HAUS2: variants seen among roughly 807,000 people sequenced by gnomAD.
HAUS2 encodes HAUS augmin like complex subunit 2.
In HAUS2, 20 loss-of-function variants were observed where a neutral mutation model predicts 21.6. The ratio of observed to expected loss-of-function variants is 0.93; its 90% CI spans 0.65 to 1.35. The LOEUF (loss-of-function observed/expected upper bound fraction) is 1.35. Among genes scored for constraint, HAUS2 ranks in the 40% most tolerant of loss-of-function variants. The probability of loss-of-function intolerance (pLI) is 0.00; values close to 1 mark genes in which losing one functional copy is unlikely to be tolerated. For synonymous variants in HAUS2, 113 were observed against 95.6 expected (o/e 1.18, Z -1.06); for missense variants, 297 against 280.7 (o/e 1.06, Z -0.42).
chr15:42,562,623 G>A (rs1031224593), intron 4 of HAUS2, among the ~76,000 whole-genome samples: 2 of 152,042 alleles, frequency 1.3e-5, no homozygotes, highest in African/African-American at 4.8e-5. Context: ...CCTTTCTTGT[G>A]GCTATATTCA....
At chr15:42,565,110 T>C (rs2057893196) in intron 5 of HAUS2, among the ~76,000 whole-genome samples, 1 of 152,214 alleles carries the variant, frequency 6.6e-6, no homozygotes, top group African/African-American at 2.4e-5. Context: ...GTGTTGGGAT[T>C]AAAGGCCTGA....
intron 1 of HAUS2, among the ~76,000 whole-genome samples, chr15:42,557,519 A>ATATTATATG (rs2057800414): frequency 8.1e-6 from 1 of 122,988 alleles, no homozygotes; most frequent in Non-Finnish European, 1.9e-5. Flanking sequence ...TATATTATAT[A>ATATTATATG]TATATGAAGT....
chr15:42,554,589 C>T (rs1041629660), intron 1 of HAUS2, among the ~76,000 whole-genome samples: 1 of 151,184 alleles, frequency 6.6e-6, no homozygotes, highest in African/African-American at 2.4e-5. Context: ...CTCCTGGGCT[C>T]AAGTGATTCT....
intron 2 of HAUS2, among the ~76,000 whole-genome samples, chr15:42,558,708 C>T (rs950006793): frequency 1.3e-5 from 2 of 151,916 alleles, no homozygotes; most frequent in African/African-American, 4.8e-5. Flanking sequence ...CTATAATCCT[C>T]GCACTTTGGG....
intron 2 of HAUS2, among the ~76,000 whole-genome samples, chr15:42,558,916 C>G (rs1383363489): frequency 6.6e-6 from 1 of 151,948 alleles, no homozygotes; most frequent in Non-Finnish European, 1.5e-5. Flanking sequence ...CATGTTTGGG[C>G]CATTGCACTC....
In HAUS2 at chr15:42,561,569, T is replaced by A. The variant is rs2057854223; in HGVS notation, c.389+167T>A. ...AAGAAAATCTTTGCTTTTAAACCAT[T>A]ATACCTATGGCAAAAAGGAAGAACT... On this transcript the variant is annotated intron_variant, in intron 4 of 5. Coordinates refer to ENST00000260372, the MANE Select transcript of HAUS2 (RefSeq NM_018097.3). 8 of 524,606 alleles carry A rather than the reference T, an allele frequency of 1.5e-5. No individual in the cohort carries two copies. The South Asian group carries it at 2.4e-4, about 16-fold the overall frequency. 32.5% of individuals were successfully genotyped at this position (524,606 alleles called of 1,614,324 possible).
chr15:42,552,490 C>T (rs2057735880), intron 1 of HAUS2, among the ~76,000 whole-genome samples: 1 of 151,994 alleles, frequency 6.6e-6, no homozygotes, highest in Non-Finnish European at 1.5e-5. Flanking sequence ...TGAGTGATTC[C>T]TAAAATTGTG....
At position 42,559,343 on chromosome 15, in the gene HAUS2, A is replaced by T. The variant is rs1249338844; in HGVS notation, c.191A>T (p.Asn64Ile). ...TNIQAEIYQK[N>I]LEIELLKLEK... ...TTACTTTTGTTCCTCATGTAGAAAA[A>T]CCTGGAAATTGAACTCCTGAAACTA... Residue 64 changes from asparagine to isoleucine, a missense_variant, in exon 3 of 6, where the codon AAC (asparagine) becomes ATC (isoleucine). Transcript: ENST00000260372. 2 of 1,588,324 alleles carry T rather than the reference A, an allele frequency of 1.3e-6. No homozygotes were observed. The highest frequency in any genetic ancestry group is 4.5e-5 in the East Asian group (2 of 44,758).
At chr15:42,557,706 C>T (rs1210162514) in intron 1 of HAUS2, among the ~76,000 whole-genome samples, 1 of 151,608 alleles carries the variant, frequency 6.6e-6, no homozygotes, top group Admixed American at 6.6e-5. Flanking sequence ...TACAAATAAT[C>T]CTTTAACTAA....
In HAUS2 at chr15:42,561,308, T is replaced by A. The variant is rs751888264; in HGVS notation, c.295T>A (p.Leu99Met). 38 of 1,568,988 alleles carry A rather than the reference T, an allele frequency of 2.4e-5. No homozygotes were observed. Among genetic ancestry groups the A allele is most frequent in the Non-Finnish European group, 3.3e-5 (38 of 1,139,028 alleles). The change falls in exon 4 of 6, where the codon TTG (leucine) becomes ATG (methionine). Residue 99 changes from leucine to methionine, a missense_variant. By Grantham distance (15) the Leu-to-Met change is conservative. Transcript: ENST00000260372. The part of the protein sequence containing the change: ...CHTLQSMNNH[L>M]EAVLKEKRSL... The stretch of plus-strand genomic sequence containing the variant: ...TACTCTGCAAAGCATGAATAATCAT[T>A]TGGAAGCAGTGCTGAAAGAGAAGAG...
At chr15:42,549,002 C>T in intron 1 of HAUS2, 37 bp downstream of exon 1, 2 of 1,312,188 alleles carry the variant, frequency 1.5e-6, no homozygotes, top group Non-Finnish European at 2.2e-6. Context: ...CAAGGGGGTG[C>T]CCAAGGTGGC....
At chr15:42,550,997 CT>C (rs56371573) in intron 1 of HAUS2, among the ~76,000 whole-genome samples, 23 of 132,802 alleles carry the variant, frequency 1.7e-4, no homozygotes, top group African/African-American at 2.8e-4. Flanking sequence ...CTTTTCTTTT[CT>C]TTTTTTTTTT....
chr15:42,559,281 G>C (rs761753224), intron 2 of HAUS2, 58 bp from the exon 3 acceptor site: 5 of 986,222 alleles, frequency 5.1e-6, no homozygotes, highest in Non-Finnish European at 8.2e-6. Context: ...GTGAGCCACC[G>C]CACCTGGCCA....
rs746835779 is a variant in HAUS2 at position 42,558,284 on chromosome 15, C to G, written c.180C>G (p.Ile60Met). The change falls in exon 2 of 6, where the codon ATC (isoleucine) becomes ATG (methionine). Residue 60 changes from isoleucine (I) to methionine (M), a missense_variant. Coordinates refer to ENST00000260372, the MANE Select transcript of HAUS2 (RefSeq NM_018097.3). ...AGATCACAAATATTCAAGCTGAAATCTACCAGGTAAATCATTTTGTTTTCA... is the reference window on the plus strand; with the variant it reads ...AGATCACAAATATTCAAGCTGAAATGTACCAGGTAAATCATTTTGTTTTCA... ...LQQITNIQAEIYQKNLEIELL... is the reference protein window; with the variant it reads ...LQQITNIQAEMYQKNLEIELL... 9.9e-7 allele frequency: 1 copy of G among 1,010,438 alleles called. No homozygotes were observed. Among genetic ancestry groups the G allele is most frequent in the Non-Finnish European group, 1.5e-6 (1 of 657,686 alleles). The allele number at this position is 1,010,438 out of a possible 1,614,324, so 62.6% of individuals were successfully genotyped here. A position where few individuals can be genotyped will look rare whatever the true frequency, so the allele number is the denominator to read the frequency against.
chr15:42,556,891 TC>T (rs2057783303), intron 1 of HAUS2, among the ~76,000 whole-genome samples: 1 of 148,610 alleles, frequency 6.7e-6, no homozygotes, highest in African/African-American at 2.5e-5. Flanking sequence ...GTGGCAGTAA[TC>T]CCAAAAACTC....
chr15:42,560,116 C>G (rs184595061), intron 3 of HAUS2, among the ~76,000 whole-genome samples: 1 of 152,302 alleles, frequency 6.6e-6, no homozygotes, highest in Admixed American at 6.5e-5. Flanking sequence ...GATCGTAGCA[C>G]TCCACTCCAG....
Position 42,560,915 on chromosome 15 carries a change from T to G in HAUS2, c.257-355T>G, listed in dbSNP as rs1437882361. On this transcript the variant is annotated intron_variant, in intron 3 of 5. Transcript: ENST00000260372. ...CTAAGGTGACTCTTTTTCGATGGTC[T>G]TTTATAGACTATTAGAGTCAGGGAT... 4 of 692,902 alleles carry G rather than the reference T, an allele frequency of 5.8e-6. No homozygotes were observed. In the East Asian group the frequency reaches 1.1e-4, roughly 19 times the overall value. 42.9% of individuals were successfully genotyped at this position (692,902 alleles called of 1,614,324 possible).
intron 1 of HAUS2, among the ~76,000 whole-genome samples, chr15:42,556,388 C>T (rs1026614489): frequency 2.7e-4 from 40 of 150,594 alleles, no homozygotes; most frequent in African/African-American, 9.8e-4. Context: ...CTCAGCCTCC[C>T]GAGTAGCTGG....
At chr15:42,562,133 G>T (rs1169651534) in intron 4 of HAUS2, among the ~76,000 whole-genome samples, 1 of 152,048 alleles carries the variant, frequency 6.6e-6, no homozygotes, top group Non-Finnish European at 1.5e-5. Context: ...CACTAGCCTG[G>T]GTGACAGAGT....
Sources: gnomAD v4.1 joint callset for allele counts (sites outside exome capture counted in the v4.1 genomes callset) on GRCh38, gnomAD v4.1.1 for gene constraint, MANE v1.5 for transcripts, NCBI Gene and HGNC (gene_info 2026-07-23, HGNC 2026-07-21) for gene names.